The following RALY variants were observed in gnomAD, a reference collection of about 807,000 sequenced individuals.
The protein encoded by RALY is RNA-binding protein Raly.
A neutral mutation model predicts 30.7 loss-of-function variants in RALY; 15 were observed. The observed-to-expected ratio is 0.49, with a 90% CI of 0.33 to 0.75. The LOEUF is 0.75. Among genes scored for constraint, RALY ranks in the 30% least tolerant of loss-of-function variants. The pLI, the probability that RALY is intolerant of heterozygous loss-of-function variation, is 0.02. For missense variants in RALY, 339 were observed against 414.3 expected (o/e 0.82, Z 1.58); for synonymous variants, 177 against 170.8 (o/e 1.04, Z -0.28).
At chr20:34,018,727 C>T (rs1208441490) in intron 1 of RALY, among the ~76,000 whole-genome samples, 1 of 152,148 alleles carries the variant, frequency 6.6e-6, no homozygotes, top group Non-Finnish European at 1.5e-5. Context: ...CCCACAAATG[C>T]CCCAAGGTAG....
At chr20:34,040,229 C>T (rs1339158094) in intron 2 of RALY, among the ~76,000 whole-genome samples, 2 of 152,178 alleles carry the variant, frequency 1.3e-5, no homozygotes, top group Non-Finnish European at 1.5e-5. Context: ...GGTTCACACC[C>T]GAATCCAGAT....
chr20:34,077,293 T>C (rs769137609), intron 8 of RALY, 48 bp downstream of exon 8: 31 of 1,607,468 alleles, frequency 1.9e-5, no homozygotes, highest in Non-Finnish European at 2.5e-5. Flanking sequence ...GTGCTCCTAC[T>C]CTCAGGAGGC....
rs1393568770 is a variant in RALY, at chr20:34,043,432, G to A, written c.-10+11828G>A. 3.9e-5 allele frequency among the ~76,000 whole-genome samples: 6 copies of A among 152,140 alleles called. 1 individual carries two copies. The highest frequency in any genetic ancestry group is 3.3e-4 in the Admixed American group (5 of 15,278). ...ATCTTAATAATCTGTCTCTGGCAGCGTTTTAATTATCAACTCACTTGCCAC... is the reference window on the plus strand; with the variant it reads ...ATCTTAATAATCTGTCTCTGGCAGCATTTTAATTATCAACTCACTTGCCAC... On this transcript the variant is annotated intron_variant, in intron 2 of 9. Coordinates refer to ENST00000246194, the MANE Select transcript of RALY (RefSeq NM_016732.3).
chr20:34,066,196 A>G (rs1389675503), intron 2 of RALY, among the ~76,000 whole-genome samples: 1 of 139,276 alleles, frequency 7.2e-6, no homozygotes, highest in Middle Eastern at 3.2e-3. Context: ...TTTCATTTAT[A>G]AAATGGGGCG....
intron 1 of RALY, among the ~76,000 whole-genome samples, chr20:33,995,262 C>G (rs1323616801): frequency 2.0e-5 from 3 of 152,178 alleles, no homozygotes; most frequent in Non-Finnish European, 2.9e-5. Context: ...CTCCAGGTCT[C>G]AGACACAACT....
At chr20:34,025,361 G>A (rs1292409212) in intron 1 of RALY, among the ~76,000 whole-genome samples, 1 of 151,098 alleles carries the variant, frequency 6.6e-6, no homozygotes, top group Non-Finnish European at 1.5e-5. Context: ...GAGTGCAGTA[G>A]TGCAAACACA....
intron 2 of RALY, among the ~76,000 whole-genome samples, chr20:34,064,381 T>G (rs1381722292): frequency 6.6e-6 from 1 of 152,116 alleles, no homozygotes; most frequent in Non-Finnish European, 1.5e-5. Context: ...TGTTTCTGCT[T>G]TGGGGTATCC....
intron 2 of RALY, among the ~76,000 whole-genome samples, chr20:34,031,975 T>G (rs549608065): frequency 1.3e-5 from 2 of 152,268 alleles, no homozygotes; most frequent in South Asian, 4.1e-4. Flanking sequence ...AGAGACTTGT[T>G]TTTTGAGATG....
intron 1 of RALY, among the ~76,000 whole-genome samples, chr20:33,994,824 A>G (rs867150765): frequency 9.2e-5 from 14 of 152,156 alleles, no homozygotes; most frequent in African/African-American, 3.4e-4. Flanking sequence ...AGAAGTGTTT[A>G]ACACCGACAG....
intron 7 of RALY, 79 bp downstream of exon 7, chr20:34,076,894 G>A: frequency 1.3e-6 from 2 of 1,588,100 alleles, no homozygotes; most frequent in Non-Finnish European, 1.7e-6. Context: ...ATGGGAGAGA[G>A]GAGCTAGGGT....
chr20:34,055,182 A>C (rs1215618400), intron 2 of RALY, among the ~76,000 whole-genome samples: 2 of 152,314 alleles, frequency 1.3e-5, no homozygotes, highest in East Asian at 3.9e-4. Context: ...TTTTCCTAAA[A>C]CAACCCCAAA....
chr20:34,066,222 C>T (rs1233906570), intron 2 of RALY, among the ~76,000 whole-genome samples: 1 of 139,074 alleles, frequency 7.2e-6, no homozygotes, highest in Non-Finnish European at 1.5e-5. Flanking sequence ...GGTGCAGTGG[C>T]TTATGCCTGT....
chr20:34,037,244 C>T (rs929929294), intron 2 of RALY, among the ~76,000 whole-genome samples: 15 of 152,170 alleles, frequency 9.9e-5, no homozygotes, highest in Admixed American at 3.9e-4. Flanking sequence ...CCATAGTGCT[C>T]GGCAGCCTGG....
At chr20:34,076,223 G>T (rs1199323182) in intron 6 of RALY, 183 bp downstream of exon 6, 1 of 794,476 alleles carries the variant, frequency 1.3e-6, no homozygotes, top group Admixed American at 2.8e-5. Context: ...AGGAGGAGGG[G>T]TTGTGTTGGG....
intron 1 of RALY, among the ~76,000 whole-genome samples, chr20:34,029,207 G>A (rs978976675): frequency 2.0e-5 from 3 of 152,102 alleles, no homozygotes; most frequent in Non-Finnish European, 4.4e-5. Flanking sequence ...AGAGGCCAAG[G>A]CAGGTGGATC....
At chr20:34,053,662 A>G (rs866445968) in intron 2 of RALY, among the ~76,000 whole-genome samples, 7 of 152,170 alleles carry the variant, frequency 4.6e-5, no homozygotes, top group Non-Finnish European at 8.8e-5. Context: ...CTCCCAAAGT[A>G]TTAGGATTAC....
At chr20:34,011,605 T>A (rs1325471192) in intron 1 of RALY, among the ~76,000 whole-genome samples, 21 of 152,180 alleles carry the variant, frequency 1.4e-4, no homozygotes, top group Admixed American at 1.4e-3. Flanking sequence ...GTGGAAAGAA[T>A]AAAGCTAGAG....
At chr20:34,073,422 G>T in intron 3 of RALY, 141 bp from the exon 4 acceptor site, 1 of 719,344 alleles carries the variant, frequency 1.4e-6, no homozygotes, top group South Asian at 1.6e-5. Flanking sequence ...GATGTATGAA[G>T]ACCTTTGTTG....
Position 34,077,066 on chromosome 20 carries a change from G to T in RALY, c.697G>T (p.Gly233Cys). The change falls in exon 8 of 10, where the codon GGC becomes TGC. Residue 233 changes from glycine to cysteine, a missense_variant. This residue lies in a region of RALY where 268 missense variants were observed against 280.6 expected (regional missense o/e 0.95). Coordinates refer to ENST00000246194, the MANE Select transcript of RALY (RefSeq NM_016732.3). ...GGGTGATGGAGGTGGCGCCGGCGGCGGCGGCGGTGGTGGTGGCAGCGGTGG... is the reference window on the plus strand; with the variant it reads ...GGGTGATGGAGGTGGCGCCGGCGGCTGCGGCGGTGGTGGTGGCAGCGGTGG... The part of the protein sequence containing the change: ...KKGDGGGAGG[G>C]GGGGGSGGGG... 6.2e-7 allele frequency: 1 copy of T among 1,601,620 alleles called. No individual in the cohort carries two copies. Among genetic ancestry groups the T allele is most frequent in the Non-Finnish European group, 8.5e-7 (1 of 1,175,296 alleles).
Sources: gnomAD v4.1 joint callset for allele counts (sites outside exome capture counted in the v4.1 genomes callset) on GRCh38, gnomAD v4.1.1 for gene constraint, gnomAD v4.1.1 regional missense constraint, MANE v1.5 for transcripts, NCBI Gene and HGNC (gene_info 2026-07-23, HGNC 2026-07-21) for gene names.